The following P4HA3 variants were observed in gnomAD, a reference collection of about 807,000 sequenced individuals.
The protein encoded by P4HA3 is prolyl 4-hydroxylase subunit alpha-3.
Under a neutral mutation model 66.7 loss-of-function variants are expected in P4HA3, and 60 were observed. The ratio of observed to expected loss-of-function variants is 0.90; its 90% CI spans 0.73 to 1.12. The LOEUF is 1.12. Among genes scored for constraint, P4HA3 ranks in the 50% most tolerant of loss-of-function variants. The probability of loss-of-function intolerance (pLI) is 0.00; values close to 1 mark genes in which losing one functional copy is unlikely to be tolerated. For synonymous variants in P4HA3, 263 were observed against 274.6 expected (o/e 0.96, Z 0.42); for missense variants, 683 against 685.8 (o/e 1.00, Z 0.05).
At chr11:74,263,340 T>C (rs867749726), downstream of P4HA3, among the ~76,000 whole-genome samples, 5 of 152,222 alleles carry the variant, frequency 3.3e-5, no homozygotes, top group Non-Finnish European at 5.9e-5. Context: ...TAGGCATCAG[T>C]GGCACAAGGG....
chr11:74,310,048 C>T (rs768552007), intron 1 of P4HA3, among the ~76,000 whole-genome samples: 1 of 152,160 alleles, frequency 6.6e-6, no homozygotes, highest in Non-Finnish European at 1.5e-5. Flanking sequence ...CACACACTCA[C>T]GCAAAGTTTT....
chr11:74,279,245 CTT>C, intron 8 of P4HA3, 141 bp downstream of exon 8: 1 of 759,864 alleles, frequency 1.3e-6, no homozygotes, highest in Non-Finnish European at 2.3e-6. Flanking sequence ...ACTTCACCCT[CTT>C]AAAAAGAATG....
intron 8 of P4HA3, among the ~76,000 whole-genome samples, chr11:74,278,525 G>A (rs1297520778): frequency 6.6e-6 from 1 of 152,220 alleles, no homozygotes; most frequent in Non-Finnish European, 1.5e-5. Context: ...GAGTTGAAGA[G>A]TGATGCAAGT....
chr11:74,279,312 T>C, intron 8 of P4HA3, 76 bp downstream of exon 8: 1 of 1,354,028 alleles, frequency 7.4e-7, no homozygotes, highest in Middle Eastern at 2.0e-4. Context: ...CCTGAATGGC[T>C]GTTGCTGACT....
chr11:74,283,692 C>T (rs1860685739), intron 7 of P4HA3, among the ~76,000 whole-genome samples: 1 of 152,224 alleles, frequency 6.6e-6, no homozygotes, highest in Non-Finnish European at 1.5e-5. Flanking sequence ...CAAGCTTCTG[C>T]CCAGTCTCTG....
rs752373698 is a variant in P4HA3 at position 74,277,023 on chromosome 11, T to C, written c.1297A>G (p.Ile433Val). The change falls in exon 9 of 13, where the codon ATC (isoleucine) becomes GTC (valine). Residue 433 changes from isoleucine (I) to valine (V), a missense_variant. Physicochemically the swap from Ile to Val is conservative, Grantham distance 29. Coordinates refer to ENST00000331597, the MANE Select transcript of P4HA3 (RefSeq NM_182904.5). ...AAGTGAGGCTCATAGTGTCCTCCGATGCCATAGTTCACCACCTGCAGATAC... is the reference window on the plus strand; with the variant it reads ...AAGTGAGGCTCATAGTGTCCTCCGACGCCATAGTTCACCACCTGCAGATAC... ...AEYLQVVNYG[I>V]GGHYEPHFDH... The C allele has an allele frequency of 2.5e-6, 4 of 1,614,082 alleles. No homozygotes were observed. Among genetic ancestry groups the C allele is most frequent in the East Asian group, 2.2e-5 (1 of 44,876 alleles).
chr11:74,252,564 T>G (rs1406449371), intron 15 of P4HA3: 7 of 454,256 alleles, frequency 1.5e-5, no homozygotes, highest in Non-Finnish European at 2.6e-5. Flanking sequence ...AGAGCAGGGT[T>G]TTCAACCTCA....
intron 15 of P4HA3, among the ~76,000 whole-genome samples, chr11:74,257,964 G>A (rs1018634409): frequency 6.6e-6 from 1 of 152,182 alleles, no homozygotes; most frequent in Non-Finnish European, 1.5e-5. Context: ...ATGAGAAGTG[G>A]GGGTTGGAAG....
Position 74,294,068 on chromosome 11 carries a change from T to C in P4HA3, c.717+4144A>G, listed in dbSNP as rs1202632445. Among the ~76,000 whole-genome samples the C allele has an allele frequency of 1.1e-4, 17 of 152,370 alleles. No individual in the cohort carries two copies. In the East Asian group the frequency reaches 2.7e-3, roughly 24 times the overall value. On this transcript the variant is annotated intron_variant, in intron 4 of 12. Transcript: ENST00000331597. ...TTCCAACTTGGTTCCATTCTCCCTG[T>C]CACTTTCAAGTACACCAATCAGACG...
At chr11:74,295,616 A>AT (rs1181466413) in intron 4 of P4HA3, among the ~76,000 whole-genome samples, 1 of 152,200 alleles carries the variant, frequency 6.6e-6, no homozygotes, top group African/African-American at 2.4e-5. Flanking sequence ...TTATAAGCAT[A>AT]TTTTTATACA....
chr11:74,298,848 A>G (rs968353867), intron 3 of P4HA3, among the ~76,000 whole-genome samples: 4 of 152,276 alleles, frequency 2.6e-5, no homozygotes, highest in African/African-American at 9.6e-5. Flanking sequence ...CAAGTAGTCC[A>G]TCGTGGCTGT....
chr11:74,282,138 AAAAAC>A (rs1279313554), intron 7 of P4HA3, among the ~76,000 whole-genome samples: 2 of 150,498 alleles, frequency 1.3e-5, no homozygotes. Flanking sequence ...TTTAAAAAAA[AAAAAC>A]AAAAAAAAAC....
intron 9 of P4HA3, among the ~76,000 whole-genome samples, chr11:74,274,305 T>G (rs956761270): frequency 2.9e-4 from 35 of 122,674 alleles, no homozygotes; most frequent in African/African-American, 1.1e-3. Context: ...TTTTTTTTTG[T>G]TTTTTTTTTT....
chr11:74,256,362 C>A (rs1263548226), intron 15 of P4HA3, among the ~76,000 whole-genome samples: 1 of 152,166 alleles, frequency 6.6e-6, no homozygotes, highest in Non-Finnish European at 1.5e-5. Flanking sequence ...TAGGCACTTT[C>A]ATCTCCATTC....
downstream of P4HA3, among the ~76,000 whole-genome samples, chr11:74,262,484 A>AG (rs1176117244): frequency 6.6e-6 from 1 of 152,166 alleles, no homozygotes; most frequent in Non-Finnish European, 1.5e-5. Flanking sequence ...GTCCAGAAAG[A>AG]GGTTAGAAGC....
intron 15 of P4HA3, among the ~76,000 whole-genome samples, chr11:74,253,037 CAG>C (rs1445798472): frequency 6.6e-6 from 1 of 152,174 alleles, no homozygotes; most frequent in African/African-American, 2.4e-5. Context: ...TCCCCACTCT[CAG>C]AAAGTTTGCA....
chr11:74,307,529 C>T (rs2134834489), intron 1 of P4HA3, among the ~76,000 whole-genome samples: 2 of 152,106 alleles, frequency 1.3e-5, no homozygotes, highest in Middle Eastern at 6.8e-3. Context: ...TTCTGTCACA[C>T]AAAGAAAAAA....
At chr11:74,289,227 T>C (rs1860918646) in intron 4 of P4HA3, 97 bp from the exon 5 acceptor site, 4 of 1,044,024 alleles carry the variant, frequency 3.8e-6, no homozygotes, top group Non-Finnish European at 5.2e-6. Context: ...AGATAAAATA[T>C]TCTTACCATA....
intron 3 of P4HA3, among the ~76,000 whole-genome samples, chr11:74,299,759 G>A (rs2134811690): frequency 6.6e-6 from 1 of 151,928 alleles, no homozygotes; most frequent in South Asian, 2.1e-4. Flanking sequence ...AGATGCTGAT[G>A]TTCCCTAGGA....
Sources: gnomAD v4.1 joint callset for allele counts (sites outside exome capture counted in the v4.1 genomes callset) on GRCh38, gnomAD v4.1.1 for gene constraint, MANE v1.5 for transcripts, NCBI Gene and HGNC (gene_info 2026-07-23, HGNC 2026-07-21) for gene names.